Variants in CHMP4B observed in about 807,000 individuals in gnomAD.
The protein encoded by CHMP4B is SNF7 homolog associated with Alix 1.
CHMP4B carries 1 observed loss-of-function variant against 25.1 expected under a neutral mutation model. That is an observed-to-expected ratio of 0.04 (90% CI 0.01 to 0.19). The LOEUF is 0.19. CHMP4B is among the 10% of genes least tolerant of loss of function. The pLI is 1.00. For missense variants in CHMP4B, 151 were observed against 289.7 expected, an observed-to-expected ratio of 0.52 and a Z score of 3.48; for synonymous variants, 101 against 115.6, an observed-to-expected ratio of 0.87 and a Z score of 0.81.
intron 1 of CHMP4B, among the ~76,000 whole-genome samples, chr20:33,838,128 G>C (rs1979438917): frequency 6.6e-6 from 1 of 152,210 alleles, no homozygotes; most frequent in South Asian, 2.1e-4. Context: ...TCGGGCACCT[G>C]GCTTGGATTC....
chr20:33,819,660 A>C (rs1978879346), intron 1 of CHMP4B, among the ~76,000 whole-genome samples: 1 of 152,172 alleles, frequency 6.6e-6, no homozygotes, highest in Non-Finnish European at 1.5e-5. Flanking sequence ...TCAAAAGGTC[A>C]GTGATGTGGT....
chr20:33,812,020 A>C (rs1455288280), intron 1 of CHMP4B, among the ~76,000 whole-genome samples: 1 of 151,218 alleles, frequency 6.6e-6, no homozygotes, highest in African/African-American at 2.4e-5. Context: ...TCCTCGGCTC[A>C]TTTCTGCCCC....
chr20:33,813,868 G>A (rs564473837), intron 1 of CHMP4B, among the ~76,000 whole-genome samples: 3 of 152,284 alleles, frequency 2.0e-5, no homozygotes, highest in South Asian at 4.1e-4. Context: ...GAGTAGCTGG[G>A]ATTACAGGTG....
chr20:33,823,580 C>A (rs1979004907), intron 1 of CHMP4B, among the ~76,000 whole-genome samples: 1 of 152,090 alleles, frequency 6.6e-6, no homozygotes, highest in African/African-American at 2.4e-5. Flanking sequence ...CTCTGTTGCC[C>A]AGGCTGGAGT....
chr20:33,847,162 A>G (rs1391811256), intron 1 of CHMP4B, among the ~76,000 whole-genome samples: 1 of 152,074 alleles, frequency 6.6e-6, no homozygotes, highest in Non-Finnish European at 1.5e-5. Flanking sequence ...AGAATTACTT[A>G]TGGTGAATAA....
chr20:33,838,710 A>G (rs981794602), intron 1 of CHMP4B, among the ~76,000 whole-genome samples: 3 of 152,096 alleles, frequency 2.0e-5, no homozygotes, highest in African/African-American at 7.2e-5. Flanking sequence ...CTGAATGACT[A>G]TGGCCCTCAC....
At chr20:33,825,103 A>G (rs1293597255) in intron 1 of CHMP4B, among the ~76,000 whole-genome samples, 1 of 152,158 alleles carries the variant, frequency 6.6e-6, no homozygotes, top group Non-Finnish European at 1.5e-5. Flanking sequence ...CTTGACCTGA[A>G]TCCCTCCCAC....
In CHMP4B at chr20:33,830,933, G is replaced by GTTTTTTTTTTTTTTTT. The variant is rs55917511; in HGVS notation, c.191-17533_191-17518dup. ...TGAATTAATTGTTCAAAGGAACAGA[G>GTTTTTTTTTTTTTTTT]TTTTTTTTTTTTTTTTAGTTTTTTT... On this transcript the variant is annotated intron_variant, in intron 1 of 4. Coordinates refer to ENST00000217402, the MANE Select transcript of CHMP4B (RefSeq NM_176812.5). 9.8e-3 allele frequency among the ~76,000 whole-genome samples: 1,003 copies of GTTTTTTTTTTTTTTTT among 102,012 alleles called. 98 individuals carry two copies. The highest frequency in any genetic ancestry group is 0.027 in the East Asian group (57 of 2,130). The allele number at this position is 102,012 out of a possible 152,430, so 66.9% of individuals were successfully genotyped here.
intron 1 of CHMP4B, among the ~76,000 whole-genome samples, chr20:33,829,467 A>T (rs1979182447): frequency 6.6e-6 from 1 of 152,300 alleles, no homozygotes; most frequent in South Asian, 2.1e-4. Context: ...CCTAGGCTCT[A>T]AGGAACTGAT....
intron 1 of CHMP4B, among the ~76,000 whole-genome samples, chr20:33,818,907 CT>C (rs201153085): frequency 1.3e-5 from 2 of 151,924 alleles, no homozygotes; most frequent in East Asian, 3.9e-4. Context: ...CAGTGTTGCT[CT>C]TTTTTGTTTG....
At chr20:33,813,142 G>T (rs1469862308) in intron 1 of CHMP4B, among the ~76,000 whole-genome samples, 1 of 142,382 alleles carries the variant, frequency 7.0e-6, no homozygotes, top group Non-Finnish European at 1.5e-5. Context: ...AACCAGCTCT[G>T]TAAAAAAAAA....
intron 1 of CHMP4B, among the ~76,000 whole-genome samples, chr20:33,816,231 G>T (rs1336672631): frequency 1.3e-5 from 2 of 152,066 alleles, no homozygotes; most frequent in Non-Finnish European, 2.9e-5. Flanking sequence ...CCCATCCTTG[G>T]TGCTGAGAAT....
rs927545060 is a variant in CHMP4B at position 33,811,630 on chromosome 20, C to T, written c.162C>T (p.Ala54=). 1 of 1,613,900 alleles carries T rather than the reference C, an allele frequency of 6.2e-7. No individual in the cohort carries two copies. Among genetic ancestry groups the T allele is most frequent in the African/African-American group, 1.3e-5 (1 of 75,048 alleles). Residue 54 remains alanine (A), a synonymous_variant, in exon 1 of 5, where the codon GCC becomes GCT. Transcript: ENST00000217402. ...EKKIEQELTA[A]KKHGTKNKRA... ...AAATCGAGCAGGAGCTGACGGCCGC[C>T]AAGAAGCACGGCACCAAAAACAAGC...
chr20:33,814,253 G>A (rs1372277660), intron 1 of CHMP4B, among the ~76,000 whole-genome samples: 2 of 152,154 alleles, frequency 1.3e-5, no homozygotes, highest in East Asian at 1.9e-4. Flanking sequence ...TTACCATTCA[G>A]TTAGTCTGCT....
intron 1 of CHMP4B, among the ~76,000 whole-genome samples, chr20:33,828,529 C>T (rs879631830): frequency 9.2e-5 from 14 of 152,164 alleles, no homozygotes; most frequent in Non-Finnish European, 1.5e-4. Flanking sequence ...CGGGCACAGC[C>T]GTGGTGGAGG....
At chr20:33,846,636 T>G (rs776084616) in intron 1 of CHMP4B, among the ~76,000 whole-genome samples, 35 of 152,212 alleles carry the variant, frequency 2.3e-4, no homozygotes, top group Non-Finnish European at 5.9e-5. Flanking sequence ...AAATGGTCCT[T>G]AGGACGGAAT....
chr20:33,829,625 C>T (rs1979186413), intron 1 of CHMP4B, among the ~76,000 whole-genome samples: 1 of 152,194 alleles, frequency 6.6e-6, no homozygotes, highest in African/African-American at 2.4e-5. Flanking sequence ...CTTTCCTGAT[C>T]ATTTTCATGT....
rs963432816 is a variant in CHMP4B at position 33,848,460 on chromosome 20, C to T, written c.191-7C>T. ...CTCTCTGAAACCCTGTTTTCTCCCT[C>T]ACGCAGCGGCCCTCCAGGCACTGAA... On this transcript the variant is annotated splice_polypyrimidine_tract_variant and splice_region_variant and intron_variant, in intron 1 of 4. Transcript: ENST00000217402. 1.2e-5 allele frequency: 20 copies of T among 1,613,882 alleles called. No homozygotes were observed. Among genetic ancestry groups the T allele is most frequent in the Non-Finnish European group, 1.6e-5 (19 of 1,179,986 alleles).
At chr20:33,841,667 G>A (rs1030849416) in intron 1 of CHMP4B, among the ~76,000 whole-genome samples, 4 of 152,150 alleles carry the variant, frequency 2.6e-5, no homozygotes, top group African/African-American at 9.7e-5. Context: ...TGTATCAACA[G>A]CACTCATTAG....
Sources: gnomAD v4.1 joint callset for allele counts (sites outside exome capture counted in the v4.1 genomes callset) on GRCh38, gnomAD v4.1.1 for gene constraint, MANE v1.5 for transcripts, NCBI Gene and HGNC (gene_info 2026-07-23, HGNC 2026-07-21) for gene names.